PTK2: variants seen among roughly 807,000 people sequenced by gnomAD.
PTK2 encodes the protein focal adhesion kinase 1.
A neutral mutation model predicts 150.1 loss-of-function variants in PTK2; 45 were observed. The ratio of observed to expected loss-of-function variants is 0.30; its 90% confidence interval spans 0.24 to 0.38. The LOEUF (loss-of-function observed/expected upper bound fraction) is 0.38, where lower values mean the gene tolerates loss of function less well. Among genes scored for constraint, PTK2 ranks in the 10% least tolerant of loss-of-function variants. PTK2 has a pLI of 1.00. For synonymous variants in PTK2, 432 were observed against 449.2 expected (o/e 0.96, Z 0.48); for missense variants, 919 against 1,307.3 (o/e 0.70, Z 4.58).
intron 1 of PTK2, among the ~76,000 whole-genome samples, chr8:140,935,894 G>A (rs1026860553): frequency 6.6e-6 from 1 of 151,756 alleles, no homozygotes; most frequent in Non-Finnish European, 1.5e-5. Context: ...TGATCCACCC[G>A]CCTCAACCTC....
At chr8:140,774,192 C>T (rs546159391) in intron 14 of PTK2, among the ~76,000 whole-genome samples, 34 of 152,234 alleles carry the variant, frequency 2.2e-4, no homozygotes, top group Non-Finnish European at 4.3e-4. Context: ...TTGGCTTTTG[C>T]GGTACAGGGA....
intron 27 of PTK2, among the ~76,000 whole-genome samples, chr8:140,685,047 C>T (rs1168431334): frequency 1.3e-5 from 2 of 152,108 alleles, no homozygotes; most frequent in African/African-American, 2.4e-5. Flanking sequence ...AAAACAGACA[C>T]ACAGACCAAT....
At chr8:140,956,328 G>A (rs1010504921) in intron 1 of PTK2, among the ~76,000 whole-genome samples, 2 of 152,168 alleles carry the variant, frequency 1.3e-5, no homozygotes, top group African/African-American at 4.8e-5. Flanking sequence ...GGGAGGGTGG[G>A]GAAGCGGGGA....
intron 27 of PTK2, among the ~76,000 whole-genome samples, chr8:140,679,003 G>GTTTTTTTTTTTTTTTTTTTT (rs533089786): frequency 4.3e-5 from 3 of 69,008 alleles, no homozygotes; most frequent in Non-Finnish European, 7.6e-5. Flanking sequence ...TGCTCCCCAT[G>GTTTTTTTTTTTTTTTTTTTT]TTTTTTTTTT....
Position 140,881,575 on chromosome 8 carries a change from T to C in PTK2, c.196-1938A>G, listed in dbSNP as rs1293277195. Among the ~76,000 whole-genome samples the C allele has an allele frequency of 2.0e-5, 3 of 152,236 alleles. No individual in the cohort carries two copies. In the East Asian group the frequency reaches 5.8e-4, roughly 29 times the overall value. On this transcript the variant is annotated intron_variant, in intron 3 of 31. Transcript: ENST00000522684. The stretch of plus-strand genomic sequence containing the variant: ...TCTCTCTTGTTAGAGCTGCGATCAG[T>C]GTCTACAGTGGTCTCTAGCCATCTG...
chr8:140,778,657 C>A (rs1367698421), intron 14 of PTK2, among the ~76,000 whole-genome samples: 1 of 152,186 alleles, frequency 6.6e-6, no homozygotes, highest in African/African-American at 2.4e-5. Flanking sequence ...ACAGAACGAG[C>A]TGGCTTTAAC....
chr8:140,968,774 G>GT (rs2100186210), intron 1 of PTK2, among the ~76,000 whole-genome samples: 2 of 152,160 alleles, frequency 1.3e-5, no homozygotes, highest in South Asian at 2.1e-4. Context: ...ATGATATATG[G>GT]TAAGGGCCAT....
chr8:140,807,667 G>A (rs1414746478), intron 10 of PTK2, among the ~76,000 whole-genome samples: 2 of 152,178 alleles, frequency 1.3e-5, no homozygotes, highest in Non-Finnish European at 2.9e-5. Flanking sequence ...AACTTGGAAT[G>A]ATAAAAATAA....
intron 27 of PTK2, among the ~76,000 whole-genome samples, chr8:140,676,903 T>C (rs2100014210): frequency 7.2e-6 from 1 of 138,518 alleles, no homozygotes. Flanking sequence ...ATCACGTCAC[T>C]GCACTTCAGC....
intron 15 of PTK2, 171 bp downstream of exon 17, chr8:140,764,063 A>C: frequency 1.5e-6 from 1 of 657,380 alleles, no homozygotes; most frequent in Non-Finnish European, 2.7e-6. Context: ...CTGACCTTAG[A>C]GTGGGCATAT....
rs755599809 is a variant in PTK2 at position 140,789,570 on chromosome 8, A to G, written c.1125-44T>C. On this transcript the variant is annotated intron_variant, in intron 13 of 31. Coordinates refer to ENST00000522684, the Ensembl canonical transcript of PTK2. ...AAGCTGTAAGCCCTGCAATTTCCCC[A>G]GGACCCCGCAACTCGGCCTCATCAA... 1.9e-6 allele frequency: 3 copies of G among 1,589,778 alleles called. No individual in the cohort carries two copies. The East Asian group carries it at 6.8e-5, about 36-fold the overall frequency.
chr8:140,750,366 G>A (rs1448032357), intron 17 of PTK2: 1 of 152,228 alleles, frequency 6.6e-6, no homozygotes, highest in Non-Finnish European at 1.5e-5. Context: ...GTATGGAGTG[G>A]TGAGCGAAAC....
At chr8:140,980,608 C>G (rs533046438) in intron 1 of PTK2, among the ~76,000 whole-genome samples, 2 of 151,942 alleles carry the variant, frequency 1.3e-5, no homozygotes, top group African/African-American at 4.8e-5. Flanking sequence ...GGCGACAGAG[C>G]GAGACTTCAT....
chr8:140,719,424 G>C (rs1321147557), intron 22 of PTK2, among the ~76,000 whole-genome samples: 1 of 152,092 alleles, frequency 6.6e-6, no homozygotes, highest in East Asian at 1.9e-4. Context: ...GGTGAGTCCT[G>C]GTGAGTGGTG....
intron 2 of PTK2, chr8:140,921,031 T>C (rs2100167203): frequency 1.5e-6 from 2 of 1,295,972 alleles, no homozygotes; most frequent in African/African-American, 1.5e-5. Context: ...TGCTCCTTTT[T>C]TCAGAGCTTG....
At chr8:140,929,147 A>G (rs990284614) in intron 1 of PTK2, among the ~76,000 whole-genome samples, 4 of 149,696 alleles carry the variant, frequency 2.7e-5, no homozygotes, top group Non-Finnish European at 5.9e-5. Flanking sequence ...TTGTATTTTT[A>G]GTAGAGACGG....
rs182806778 is a variant in PTK2 at position 140,743,549 on chromosome 8, T to C, written c.1635-219A>G. Among the ~76,000 whole-genome samples the C allele has an allele frequency of 3.0e-3, 454 of 152,178 alleles. 3 individuals carry two copies. Among genetic ancestry groups the C allele is most frequent in the African/African-American group, 0.01 (436 of 41,538 alleles). On this transcript the variant is annotated intron_variant, in intron 19 of 31. Transcript: ENST00000522684. ...TTCTTTTTGCCAGATATTTACCCAT[T>C]AATACAATGATTATTCTGAATGATG... is the stretch of plus-strand genomic sequence containing the variant.
At chr8:140,795,560 T>C (rs1343836080) in intron 12 of PTK2, among the ~76,000 whole-genome samples, 2 of 152,266 alleles carry the variant, frequency 1.3e-5, no homozygotes, top group Non-Finnish European at 2.9e-5. Context: ...TCGATACAGC[T>C]CAACATCATT....
rs541679935 is a variant in PTK2, at chr8:140,681,091, G to A, written c.2562+5541C>T. ...AAGAAGATCTTAAATTCAGCTGGGC[G>A]CGGTTGCTCACGCCTGTAATCCCAG... On this transcript the variant is annotated intron_variant, in intron 27 of 31. Transcript: ENST00000522684. Among the ~76,000 whole-genome samples, 43 of 152,304 alleles carry A rather than the reference G, an allele frequency of 2.8e-4. 1 individual carries two copies. The highest frequency in any genetic ancestry group is 6.8e-3 in the Middle Eastern group (2 of 294).
Sources: allele counts gnomAD v4.1 joint callset (sites outside exome capture counted in the v4.1 genomes callset), GRCh38; gene constraint gnomAD v4.1.1; transcripts MANE v1.5; gene names NCBI Gene and HGNC (gene_info 2026-07-23, HGNC 2026-07-21).